The following INSR variants were observed in gnomAD, a reference collection of about 807,000 sequenced individuals.
INSR encodes IR.
A neutral mutation model predicts 142.6 loss-of-function variants in INSR; 67 were observed. The ratio of observed to expected loss-of-function variants is 0.47; its 90% CI spans 0.39 to 0.58. The LOEUF (loss-of-function observed/expected upper bound fraction) is 0.58. Ranked by LOEUF, INSR falls within the 20% of genes least tolerant of loss-of-function variation. The probability of loss-of-function intolerance (pLI) is 0.00; values close to 1 mark genes in which losing one functional copy is unlikely to be tolerated. For synonymous variants in INSR, 756 were observed against 743.1 expected, an observed-to-expected ratio of 1.02 and a Z score of -0.28; for missense variants, 1,248 against 1,833.2, an observed-to-expected ratio of 0.68 and a Z score of 5.83.
In INSR at chr19:7,267,911, G is replaced by T; in HGVS notation, c.101-15C>A. 6.2e-7 allele frequency: 1 copy of T among 1,610,300 alleles called. No individual in the cohort carries two copies. Among genetic ancestry groups the T allele is most frequent in the Non-Finnish European group, 8.5e-7 (1 of 1,177,754 alleles). ...GCCGGGACACACTACAAGAGAAAAT[G>T]AACAGAAAGCAAGACAGGTGAGCAG... On this transcript the variant is annotated splice_polypyrimidine_tract_variant and intron_variant, in intron 1 of 21. Coordinates refer to ENST00000302850, the MANE Select transcript of INSR (RefSeq NM_000208.4). This position sits in a 1 kb window ranked among gnomAD's most constrained non-coding sequence, Gnocchi z 6.3.
At chr19:7,143,179 A>T in intron 11 of INSR, 89 bp from the exon 12 acceptor site, 1 of 1,458,786 alleles carries the variant, frequency 6.9e-7, no homozygotes, top group Non-Finnish European at 9.6e-7. Context: ...CTTGATTAAG[A>T]AGAAAGATCA....
At chr19:7,145,016 G>A (rs1373762749) in intron 11 of INSR, among the ~76,000 whole-genome samples, 2 of 151,510 alleles carry the variant, frequency 1.3e-5, no homozygotes, top group Middle Eastern at 3.4e-3. Context: ...GCTATCACTC[G>A]ACTACGTTAT....
rs115854215 is a variant in INSR at position 7,155,169 on chromosome 19, G to A, written c.2030-2242C>T. Reference sequence around the variant, plus strand: ...CAAAGGAAAGCACCATCCACATATCGTGGTGTAAAGCAATTCAGACATAGC... The same window carrying A: ...CAAAGGAAAGCACCATCCACATATCATGGTGTAAAGCAATTCAGACATAGC... On this transcript the variant is annotated intron_variant, in intron 9 of 21. Coordinates refer to ENST00000302850, the MANE Select transcript of INSR (RefSeq NM_000208.4). 8.5e-3 allele frequency among the ~76,000 whole-genome samples: 1,296 copies of A among 152,084 alleles called. 19 individuals carry two copies. Among genetic ancestry groups the A allele is most frequent in the African/African-American group, 0.03 (1,226 of 41,448 alleles).
At chr19:7,207,888 GAAGGAAGGAAGGA>G (rs1462579605) in intron 2 of INSR, among the ~76,000 whole-genome samples, 1 of 120,590 alleles carries the variant, frequency 8.3e-6, no homozygotes, top group Non-Finnish European at 1.7e-5. Flanking sequence ...CCTTGTTTGA[GAAGGAAGGAAGGA>G]AAGGAAGGAA....
At chr19:7,182,475 T>G (rs1974298206) in intron 3 of INSR, among the ~76,000 whole-genome samples, 1 of 152,212 alleles carries the variant, frequency 6.6e-6, no homozygotes, top group Non-Finnish European at 1.5e-5. Flanking sequence ...ATCATGCCAC[T>G]GCACTCCAGC....
chr19:7,232,758 C>T (rs182005600), intron 2 of INSR, among the ~76,000 whole-genome samples: 136 of 151,444 alleles, frequency 9.0e-4, no homozygotes, highest in Non-Finnish European at 1.7e-3. Context: ...TGCAGTGAGC[C>T]GAGATCCCGC....
intron 16 of INSR, 102 bp downstream of exon 16, chr19:7,126,482 G>T: frequency 2.8e-6 from 3 of 1,059,212 alleles, no homozygotes; most frequent in South Asian, 1.4e-5. Context: ...GGCTTTTCTT[G>T]GCCTCCCTGG....
At chr19:7,280,757 G>A (rs1383442629) in intron 1 of INSR, among the ~76,000 whole-genome samples, 2 of 151,806 alleles carry the variant, frequency 1.3e-5, no homozygotes, top group East Asian at 1.9e-4. Context: ...GTCAGGTATT[G>A]TGGTGCACAC....
At chr19:7,155,551 A>AAG (rs1404266344) in intron 9 of INSR, among the ~76,000 whole-genome samples, 2 of 147,512 alleles carry the variant, frequency 1.4e-5, no homozygotes. Context: ...AAAAAAAAAA[A>AAG]AAAAAATCTC....
chr19:7,274,972 G>A (rs1442121466), intron 1 of INSR, among the ~76,000 whole-genome samples: 1 of 140,292 alleles, frequency 7.1e-6, no homozygotes, highest in Non-Finnish European at 1.5e-5. Flanking sequence ...GTGTTAGACA[G>A]CACTTTTTTT....
At chr19:7,256,450 CTAAA>C (rs138759322) in intron 2 of INSR, among the ~76,000 whole-genome samples, 27,092 of 151,430 alleles carry the variant, frequency 0.18, 2,950 homozygotes, top group Non-Finnish European at 0.25. Context: ...CTCCATCTCA[CTAAA>C]TAAATAAATA....
In INSR at chr19:7,123,001, G is replaced by A; in HGVS notation, c.3259-12C>T. The A allele has an allele frequency of 6.3e-7, 1 of 1,579,126 alleles. No homozygotes were observed. Among genetic ancestry groups the A allele is most frequent in the South Asian group, 1.1e-5 (1 of 87,194 alleles). ...CCCAGGAGGCGCACCTGCAGAGCAA[G>A]CAACCAGGGTTCTTGGAGGAGGGTC... On this transcript the variant is annotated splice_polypyrimidine_tract_variant and intron_variant, in intron 17 of 21. Transcript: ENST00000302850.
chr19:7,274,276 T>A (rs1264058597), intron 1 of INSR, among the ~76,000 whole-genome samples: 2 of 152,030 alleles, frequency 1.3e-5, no homozygotes, highest in Non-Finnish European at 2.9e-5. Flanking sequence ...AATCTAATGC[T>A]GCCATTGTTC....
intron 2 of INSR, among the ~76,000 whole-genome samples, chr19:7,249,689 A>C (rs1976645175): frequency 6.6e-6 from 1 of 152,012 alleles, no homozygotes; most frequent in South Asian, 2.1e-4. Flanking sequence ...CTGTACAAAA[A>C]ATAAATTAAA....
intron 1 of INSR, among the ~76,000 whole-genome samples, chr19:7,284,692 C>T (rs1172984529): frequency 6.6e-6 from 1 of 152,016 alleles, no homozygotes; most frequent in Non-Finnish European, 1.5e-5. Context: ...CCACACCTGG[C>T]TAATTTTTTG....
chr19:7,165,987 C>T (rs1973879427), intron 8 of INSR, among the ~76,000 whole-genome samples, 167 bp downstream of exon 8: 1 of 151,380 alleles, frequency 6.6e-6, no homozygotes, highest in South Asian at 2.1e-4. Flanking sequence ...CATGATCACC[C>T]CACTGCATTG....
Position 7,184,465 on chromosome 19 carries a change from G to T in INSR, c.825C>A (p.Phe275Leu), listed in dbSNP as rs1315098961. The change falls in exon 3 of 22, where the codon TTC (phenylalanine) becomes TTA (leucine). Residue 275 changes from phenylalanine (F) to leucine (L), a missense_variant. This residue lies in a region of INSR where 1,069 missense variants were observed against 1,654.0 expected (regional missense o/e 0.65). Transcript: ENST00000302850. ...VETCPPPYYHFQDWRCVNFSF... is the reference protein window; with the variant it reads ...VETCPPPYYHLQDWRCVNFSF... ...TGAAGTTCACACAGCGCCAGTCCTG[G>T]AAGTGGTAGTACGGGGGCGGGCAGG... The T allele has an allele frequency of 1.2e-6, 2 of 1,613,958 alleles. No individual in the cohort carries two copies. The highest frequency in any genetic ancestry group is 1.7e-6 in the Non-Finnish European group (2 of 1,180,036).
At chr19:7,257,161 C>T (rs1976920550) in intron 2 of INSR, among the ~76,000 whole-genome samples, 1 of 151,878 alleles carries the variant, frequency 6.6e-6, no homozygotes, top group Non-Finnish European at 1.5e-5. Context: ...CCAGGGTGGT[C>T]TCGAACTCCT....
chr19:7,181,165 C>G (rs564328364), intron 3 of INSR, among the ~76,000 whole-genome samples: 5 of 152,052 alleles, frequency 3.3e-5, no homozygotes, highest in African/African-American at 9.7e-5. Context: ...AGGCTGGTCT[C>G]GAACTCCTGA....
Sources: gnomAD v4.1 joint callset for allele counts (sites outside exome capture counted in the v4.1 genomes callset) on GRCh38, gnomAD v4.1.1 for gene constraint, gnomAD v4.1.1 regional missense constraint, Gnocchi (gnomAD v3.1) non-coding constraint, MANE v1.5 for transcripts, NCBI Gene and HGNC (gene_info 2026-07-23, HGNC 2026-07-21) for gene names.